NUS1: variants seen among roughly 807,000 people sequenced by gnomAD.
NUS1 encodes NUS1 dehydrodolichyl diphosphate synthase subunit.
For synonymous variants in NUS1, 135 were observed against 155.2 expected, an observed-to-expected ratio of 0.87 and a Z score of 0.97; for missense variants, 292 against 382.9, an observed-to-expected ratio of 0.76 and a Z score of 1.98.
Position 117,695,193 on chromosome 6 carries a change from C to CAA in NUS1, c.691+1040_691+1041dup, listed in dbSNP as rs58136219. Among the ~76,000 whole-genome samples, 137 of 55,224 alleles carry CAA rather than the reference C, an allele frequency of 2.5e-3. 2 individuals are homozygous for CAA. The highest frequency in any genetic ancestry group is 8.5e-3 in the African/African-American group (104 of 12,200). 36.2% of individuals were successfully genotyped at this position (55,224 alleles called of 152,430 possible). On this transcript the variant is annotated intron_variant, in intron 3 of 4. Transcript: ENST00000368494. ...TGGGTGACGGAGTGAGACCCTGTCT[C>CAA]AAAAAAAAAAAAAAAAAAAAAAAAA... is the stretch of plus-strand genomic sequence containing the variant.
At chr6:117,704,790 A>G (rs1443302766) in intron 4 of NUS1, among the ~76,000 whole-genome samples, 1 of 152,188 alleles carries the variant, frequency 6.6e-6, no homozygotes, top group African/African-American at 2.4e-5. Context: ...TGATTATGAT[A>G]TTATTGAGAG....
chr6:117,700,239 C>A (rs1389937835), intron 3 of NUS1, among the ~76,000 whole-genome samples: 1 of 152,190 alleles, frequency 6.6e-6, no homozygotes, highest in East Asian at 1.9e-4. Flanking sequence ...GCAAACTACT[C>A]ATCTGACAAG....
chr6:117,691,558 G>GATATAGATATATATATAT (rs1554201816), intron 1 of NUS1, among the ~76,000 whole-genome samples: 3 of 136,980 alleles, frequency 2.2e-5, no homozygotes, highest in Non-Finnish European at 4.7e-5. Context: ...CATAGATATA[G>GATATAGATATATATATAT]ATATATATAT....
Position 117,675,832 on chromosome 6 carries a change from C to G in NUS1, c.162C>G (p.Phe54Leu). ...ASAAVLAPLG[F>L]TLRKPPAVGR... is the part of the protein sequence containing the mutation. Reference sequence around the variant, plus strand: ...CCGCGGTCCTAGCGCCGCTCGGCTTCACGCTCCGCAAGCCCCCGGCAGTCG... The same window carrying G: ...CCGCGGTCCTAGCGCCGCTCGGCTTGACGCTCCGCAAGCCCCCGGCAGTCG... The change falls in exon 1 of 5, where the codon TTC (phenylalanine) becomes TTG (leucine). Residue 54 changes from phenylalanine (F) to leucine (L), a missense_variant. Coordinates refer to ENST00000368494, the MANE Select transcript of NUS1 (RefSeq NM_138459.5). 1 of 1,545,924 alleles carries G rather than the reference C, an allele frequency of 6.5e-7. No individual in the cohort carries two copies. Among genetic ancestry groups the G allele is most frequent in the South Asian group, 1.2e-5 (1 of 83,990 alleles).
intron 1 of NUS1, among the ~76,000 whole-genome samples, chr6:117,688,358 T>TG: frequency 6.6e-6 from 1 of 152,292 alleles, no homozygotes; most frequent in South Asian, 2.1e-4. Flanking sequence ...AGTAGGGCTT[T>TG]GGGGGTTGAT....
In NUS1 at chr6:117,706,933, C is replaced by A. The variant is rs1243479883; in HGVS notation, c.800C>A (p.Pro267His). 1.7e-5 allele frequency: 27 copies of A among 1,612,306 alleles called. No individual in the cohort carries two copies. Among genetic ancestry groups the A allele is most frequent in the Non-Finnish European group, 2.3e-5 (27 of 1,178,784 alleles). Residue 267 changes from proline to histidine, a missense_variant, in exon 5 of 5, where the codon CCT (proline) becomes CAT (histidine). Coordinates refer to ENST00000368494, the MANE Select transcript of NUS1 (RefSeq NM_138459.5). ...HIRLTEIVSL[P>H]SHLNISYEDF... is the part of the protein sequence containing the mutation. ...CCGTGTTTTCTTTTCAGCTCTTTGC[C>A]TTCCCACCTAAACATCAGTTATGAG...
intron 1 of NUS1, among the ~76,000 whole-genome samples, chr6:117,686,389 T>C (rs1471343402): frequency 6.6e-6 from 1 of 152,204 alleles, no homozygotes; most frequent in African/African-American, 2.4e-5. Context: ...TGGAGTTTAG[T>C]ATTGTTCCTT....
rs377410814 is a variant in NUS1, at chr6:117,701,359, C to T, written c.692-2246C>T. Among the ~76,000 whole-genome samples the T allele has an allele frequency of 5.3e-5, 8 of 151,788 alleles. No homozygotes were observed. In the South Asian group the frequency reaches 1.0e-3, roughly 20 times the overall value. On this transcript the variant is annotated intron_variant, in intron 3 of 4. Transcript: ENST00000368494. ...TCCCGGGTTTACGCCATTCTCCTGC[C>T]TCAGCCTCCCGAGTAGCTGGGACTA... is the stretch of plus-strand genomic sequence containing the variant.
intron 1 of NUS1, among the ~76,000 whole-genome samples, chr6:117,683,290 A>G (rs976618845): frequency 2.0e-5 from 3 of 152,180 alleles, no homozygotes; most frequent in African/African-American, 7.2e-5. Context: ...CTACAGTATA[A>G]TTGTTGTTCT....
chr6:117,707,102 T>G lies in NUS1; in HGVS notation c.*87T>G, dbSNP rs1773511592. Reference sequence around the variant, plus strand: ...TGTTTACAAAGCACCTATGAAACCCTGTACACACCTAGTTCATAATCCTCA... The same window carrying G: ...TGTTTACAAAGCACCTATGAAACCCGGTACACACCTAGTTCATAATCCTCA... On this transcript the variant is annotated 3_prime_UTR_variant, in exon 5 of 5. Coordinates refer to ENST00000368494, the MANE Select transcript of NUS1 (RefSeq NM_138459.5). 3 of 1,083,270 alleles carry G rather than the reference T, an allele frequency of 2.8e-6. No homozygotes were observed. In the South Asian group the frequency reaches 3.8e-5, roughly 14 times the overall value. The allele number at this position is 1,083,270 out of a possible 1,614,324, so 67.1% of individuals were successfully genotyped here. A position where few individuals can be genotyped will look rare whatever the true frequency, so the allele number is the denominator to read the frequency against.
intron 1 of NUS1, among the ~76,000 whole-genome samples, chr6:117,678,006 C>T (rs1168659462): frequency 1.3e-5 from 2 of 152,156 alleles, no homozygotes; most frequent in African/African-American, 2.4e-5. Context: ...ACTTGATGAC[C>T]GTGCCTACTA....
chr6:117,684,747 A>G (rs1773111781), intron 1 of NUS1, among the ~76,000 whole-genome samples: 1 of 152,222 alleles, frequency 6.6e-6, no homozygotes, highest in South Asian at 2.1e-4. Flanking sequence ...TATGCAATAG[A>G]GTGATTCCTA....
intron 1 of NUS1, among the ~76,000 whole-genome samples, chr6:117,680,111 A>C (rs998358232): frequency 6.6e-6 from 1 of 152,118 alleles, no homozygotes; most frequent in Non-Finnish European, 1.5e-5. Flanking sequence ...CAGCAAACTG[A>C]TCTTTTTGTT....
At chr6:117,704,424 T>C (rs534771277) in intron 4 of NUS1, among the ~76,000 whole-genome samples, 2 of 152,302 alleles carry the variant, frequency 1.3e-5, no homozygotes, top group South Asian at 4.1e-4. Flanking sequence ...TTTAGGCTTT[T>C]CAGGCCGTAC....
At chr6:117,703,728 C>T (rs766022781) in intron 4 of NUS1, 24 bp downstream of exon 4, 7 of 1,521,718 alleles carry the variant, frequency 4.6e-6, no homozygotes, top group Non-Finnish European at 6.4e-6. Flanking sequence ...AGCGTACTGA[C>T]TTTGTTTAGA....
intron 1 of NUS1, among the ~76,000 whole-genome samples, chr6:117,689,409 G>A (rs913227613): frequency 5.3e-5 from 8 of 152,156 alleles, no homozygotes; most frequent in Non-Finnish European, 1.2e-4. Context: ...AATAGACAAA[G>A]CAGGCTTTCC....
chr6:117,703,964 C>T (rs1261584299), intron 4 of NUS1, among the ~76,000 whole-genome samples: 4 of 152,062 alleles, frequency 2.6e-5, no homozygotes, highest in African/African-American at 7.2e-5. Context: ...AAGGGTGTGG[C>T]TTGATCCGCA....
At chr6:117,703,367 T>C (rs977807912) in intron 3 of NUS1, among the ~76,000 whole-genome samples, 2 of 152,158 alleles carry the variant, frequency 1.3e-5, no homozygotes, top group African/African-American at 4.8e-5. Context: ...AGGTAATCAA[T>C]CAAGTTAAAC....
intron 1 of NUS1, among the ~76,000 whole-genome samples, chr6:117,689,931 C>T (rs1773192681): frequency 6.6e-6 from 1 of 152,048 alleles, no homozygotes; most frequent in Non-Finnish European, 1.5e-5. Flanking sequence ...ATAATACAGA[C>T]CAAAGTGTGG....
Sources: allele counts gnomAD v4.1 joint callset (sites outside exome capture counted in the v4.1 genomes callset), GRCh38; gene constraint gnomAD v4.1.1; transcripts MANE v1.5; gene names NCBI Gene and HGNC (gene_info 2026-07-23, HGNC 2026-07-21).